SHISA9: variants seen among roughly 807,000 people sequenced by gnomAD.
The protein encoded by SHISA9 is protein shisa-9.
In SHISA9, 13 loss-of-function variants were observed where a neutral mutation model predicts 38.0. That is an observed-to-expected ratio of 0.34 (90% CI 0.22 to 0.54). The LOEUF (loss-of-function observed/expected upper bound fraction) is 0.54. SHISA9 is among the 20% of genes least tolerant of loss of function. The pLI is 0.91. For missense variants in SHISA9, 538 were observed against 575.8 expected, an observed-to-expected ratio of 0.93 and a Z score of 0.67; for synonymous variants, 275 against 242.0, an observed-to-expected ratio of 1.14 and a Z score of -1.27.
chr16:13,481,938 G>C, the SHISA9 span, among the ~76,000 whole-genome samples: 2 of 152,134 alleles, frequency 1.3e-5, no homozygotes, highest in South Asian at 4.2e-4. Context: ...GAATAATCAG[G>C]GCCAATGTTT....
chr16:13,547,562 G>T, the SHISA9 span, among the ~76,000 whole-genome samples: 1 of 152,160 alleles, frequency 6.6e-6, no homozygotes, highest in African/African-American at 2.4e-5. Flanking sequence ...GAGAGAGAGA[G>T]GGAGAGAATT....
chr16:13,449,374 C>G, the SHISA9 span, among the ~76,000 whole-genome samples: 1 of 152,132 alleles, frequency 6.6e-6, no homozygotes. Context: ...CTTATTCTTT[C>G]TATACATTAG....
chr16:13,444,135 C>T, the SHISA9 span, among the ~76,000 whole-genome samples: 1 of 152,142 alleles, frequency 6.6e-6, no homozygotes. Context: ...CTTTGGGAGG[C>T]CAAGGCTGGA....
intron 2 of SHISA9, among the ~76,000 whole-genome samples, chr16:13,141,059 C>T (rs757558646): frequency 1.5e-4 from 23 of 151,964 alleles, no homozygotes; most frequent in Non-Finnish European, 2.5e-4. Flanking sequence ...AGCCTTTCAC[C>T]GAATCCCCTT....
the SHISA9 span, among the ~76,000 whole-genome samples, chr16:13,537,855 A>G: frequency 6.6e-6 from 1 of 152,234 alleles, no homozygotes; most frequent in Non-Finnish European, 1.5e-5. Context: ...TAAGTAACAT[A>G]AAAATTATGC....
At chr16:13,533,022 T>C in the SHISA9 span, among the ~76,000 whole-genome samples, 1 of 152,154 alleles carries the variant, frequency 6.6e-6, no homozygotes, top group Admixed American at 6.5e-5. Context: ...GTGCATCAGA[T>C]CCAAGATCTC....
chr16:13,457,082 G>A, the SHISA9 span, among the ~76,000 whole-genome samples: 16 of 152,318 alleles, frequency 1.1e-4, no homozygotes, highest in African/African-American at 1.7e-4. Context: ...CAAGGCGGGC[G>A]GATCACCTGA....
intron 2 of SHISA9, among the ~76,000 whole-genome samples, chr16:13,187,777 CCTA>C (rs2050842165): frequency 6.6e-6 from 1 of 151,828 alleles, no homozygotes; most frequent in Non-Finnish European, 1.5e-5. Flanking sequence ...AGATTTGCAC[CCTA>C]ACTTCAGTGG....
the SHISA9 span, among the ~76,000 whole-genome samples, chr16:13,426,466 A>G: frequency 2.0e-5 from 3 of 152,168 alleles, no homozygotes; most frequent in African/African-American, 7.2e-5. Context: ...CCCCACTGGG[A>G]GGCACTGTCT....
chr16:13,397,883 G>A, the SHISA9 span, among the ~76,000 whole-genome samples: 1 of 152,184 alleles, frequency 6.6e-6, no homozygotes, highest in Non-Finnish European at 1.5e-5. Context: ...ATATAGGCTT[G>A]GAGAATGAGT....
At chr16:13,038,051 C>T (rs2073094821) in intron 2 of SHISA9, among the ~76,000 whole-genome samples, 1 of 152,150 alleles carries the variant, frequency 6.6e-6, no homozygotes, top group Non-Finnish European at 1.5e-5. Context: ...CGTACAGTGG[C>T]AAGATCTCGG....
intron 4 of SHISA9, among the ~76,000 whole-genome samples, chr16:13,224,586 G>T (rs204023): frequency 0.48 from 72,802 of 152,076 alleles, 17,652 homozygotes; most frequent in South Asian, 0.56. Context: ...CACTGGGCTG[G>T]ACGTTGAGGA....
intron 2 of SHISA9, among the ~76,000 whole-genome samples, chr16:13,023,948 C>T (rs777907815): frequency 6.6e-6 from 1 of 152,188 alleles, no homozygotes; most frequent in African/African-American, 2.4e-5. Flanking sequence ...ATGATAACAA[C>T]ACATTGTAGG....
the SHISA9 span, among the ~76,000 whole-genome samples, chr16:13,448,230 A>G: frequency 6.6e-6 from 1 of 152,180 alleles, no homozygotes; most frequent in Non-Finnish European, 1.5e-5. Context: ...GAGGTGTCCT[A>G]TAGAGAGCAT....
the SHISA9 span, among the ~76,000 whole-genome samples, chr16:13,434,257 A>G: frequency 6.6e-6 from 1 of 152,024 alleles, no homozygotes; most frequent in African/African-American, 2.4e-5. Context: ...GATTGTGTCC[A>G]CCCAGATTGA....
At chr16:13,087,342 G>A (rs1187761623) in intron 2 of SHISA9, among the ~76,000 whole-genome samples, 1 of 152,112 alleles carries the variant, frequency 6.6e-6, no homozygotes, top group Non-Finnish European at 1.5e-5. Flanking sequence ...TATATACCCA[G>A]TAATGGGATT....
At chr16:12,902,728 C>T (rs2071036299) in intron 1 of SHISA9, 101 bp downstream of exon 1, 1 of 1,231,124 alleles carries the variant, frequency 8.1e-7, no homozygotes, top group South Asian at 1.6e-5. Context: ...GTCCCCGCTC[C>T]CCGCATCCCA....
the SHISA9 span, among the ~76,000 whole-genome samples, chr16:13,357,642 C>A: frequency 6.6e-6 from 1 of 152,148 alleles, no homozygotes; most frequent in Non-Finnish European, 1.5e-5. Context: ...GTTTATTTCA[C>A]CTGGGTGCAG....
the SHISA9 span, among the ~76,000 whole-genome samples, chr16:13,280,137 T>C: frequency 7.2e-6 from 1 of 138,912 alleles, no homozygotes; most frequent in Admixed American, 7.5e-5. Flanking sequence ...TTTTTTTTTT[T>C]TTGGTTAGCT....
Sources: allele counts gnomAD v4.1 joint callset (sites outside exome capture counted in the v4.1 genomes callset), GRCh38; gene constraint gnomAD v4.1.1; transcripts MANE v1.5; gene names NCBI Gene and HGNC (gene_info 2026-07-23, HGNC 2026-07-21).